Variants in RGS6 observed in about 807,000 individuals in gnomAD.
The protein encoded by RGS6 is regulator of G protein signaling 6.
Under a neutral mutation model 78.5 loss-of-function variants are expected in RGS6, and 30 were observed. The ratio of observed to expected loss-of-function variants is 0.38; its 90% confidence interval spans 0.29 to 0.52. The LOEUF (loss-of-function observed/expected upper bound fraction) is 0.52, where lower values mean the gene tolerates loss of function less well. Ranked by LOEUF, RGS6 falls within the 20% of genes least tolerant of loss-of-function variation. RGS6 has a pLI of 0.85. For synonymous variants in RGS6, 206 were observed against 206.0 expected (o/e 1.00, Z 0.00); for missense variants, 495 against 609.7 (o/e 0.81, Z 1.98).
chr14:71,958,340 A>G (rs1265059997), intron 1 of RGS6, among the ~76,000 whole-genome samples: 1 of 152,190 alleles, frequency 6.6e-6, no homozygotes, highest in African/African-American at 2.4e-5. Context: ...TACTTTGGGC[A>G]AGTTACCTGT....
intron 2 of RGS6, among the ~76,000 whole-genome samples, chr14:72,302,619 A>G (rs2066328379): frequency 6.6e-6 from 1 of 152,142 alleles, no homozygotes. Flanking sequence ...AATCCAAGCA[A>G]TCAGAATTTG....
At chr14:72,290,096 C>T (rs1181724348) in intron 2 of RGS6, among the ~76,000 whole-genome samples, 3 of 152,126 alleles carry the variant, frequency 2.0e-5, no homozygotes, top group African/African-American at 7.2e-5. Context: ...ATAAGAAAAA[C>T]AGAATAGAGA....
At chr14:71,930,270 C>T (rs925586671), upstream of RGS6, among the ~76,000 whole-genome samples, 6 of 152,128 alleles carry the variant, frequency 3.9e-5, no homozygotes, top group African/African-American at 9.7e-5. Context: ...TTGGTAATTC[C>T]CTTCTCCAGC....
intron 3 of RGS6, among the ~76,000 whole-genome samples, chr14:72,360,556 AAGG>A (rs1296474053): frequency 2.0e-5 from 3 of 151,370 alleles, no homozygotes; most frequent in Non-Finnish European, 2.9e-5. Context: ...AAAAGGAAGA[AAGG>A]AGGCATAATA....
At chr14:71,946,116 C>T (rs1266396688) in intron 1 of RGS6, among the ~76,000 whole-genome samples, 1 of 152,090 alleles carries the variant, frequency 6.6e-6, no homozygotes. Flanking sequence ...ATATTGATTA[C>T]ATTTTAGACT....
At chr14:72,215,745 A>T (rs989099278) in intron 2 of RGS6, among the ~76,000 whole-genome samples, 1 of 152,246 alleles carries the variant, frequency 6.6e-6, no homozygotes, top group Non-Finnish European at 1.5e-5. Context: ...GCTAAGACCT[A>T]ATGCTTGCTT....
At chr14:72,605,501 C>G in the RGS6 span, among the ~76,000 whole-genome samples, 5 of 152,340 alleles carry the variant, frequency 3.3e-5, no homozygotes, top group African/African-American at 1.2e-4. Flanking sequence ...TCCTAACCCA[C>G]CCACCTTGGG....
At chr14:72,025,551 G>A (rs376833866) in intron 2 of RGS6, among the ~76,000 whole-genome samples, 5 of 152,200 alleles carry the variant, frequency 3.3e-5, no homozygotes, top group South Asian at 2.1e-4. Flanking sequence ...AGGGGATTTC[G>A]GGTGGGGAGA....
At chr14:72,588,531 T>G in the RGS6 span, among the ~76,000 whole-genome samples, 364 of 152,322 alleles carry the variant, frequency 2.4e-3, no homozygotes, top group Non-Finnish European at 3.7e-3. Flanking sequence ...CCCATGGACC[T>G]GGGGCATTTA....
intron 2 of RGS6, among the ~76,000 whole-genome samples, chr14:71,975,795 GT>G (rs575094130): frequency 5.2e-4 from 79 of 152,210 alleles, no homozygotes; most frequent in African/African-American, 1.8e-3. Context: ...TTCAAATATT[GT>G]TTATGCCTAG....
chr14:72,093,046 G>T (rs923605353), intron 2 of RGS6, among the ~76,000 whole-genome samples: 1 of 151,942 alleles, frequency 6.6e-6, no homozygotes. Flanking sequence ...GTGTGTGTGT[G>T]TGTGTGTGTG....
intron 15 of RGS6, among the ~76,000 whole-genome samples, chr14:72,529,091 G>A (rs1219550028): frequency 1.3e-5 from 2 of 152,200 alleles, no homozygotes; most frequent in African/African-American, 4.8e-5. Flanking sequence ...TGGCAAGGAG[G>A]AAAGAACACA....
the RGS6 span, chr14:72,612,551 C>A: frequency 1.9e-6 from 1 of 515,182 alleles, no homozygotes; most frequent in Non-Finnish European, 3.9e-6. Flanking sequence ...CCACCCCACT[C>A]CTTAGCATCT....
At chr14:71,915,508 C>T in the RGS6 span, among the ~76,000 whole-genome samples, 10 of 152,104 alleles carry the variant, frequency 6.6e-5, no homozygotes, top group Non-Finnish European at 1.5e-4. Context: ...TGTTGTATGA[C>T]TACCCAGCAT....
chr14:72,299,577 AC>A (rs1423679803), intron 2 of RGS6, among the ~76,000 whole-genome samples: 1 of 152,218 alleles, frequency 6.6e-6, no homozygotes, highest in Non-Finnish European at 1.5e-5. Flanking sequence ...AAATAACTGC[AC>A]CATTTTAGAC....
At chr14:72,544,841 GGCA>G (rs1356288071) in intron 17 of RGS6, among the ~76,000 whole-genome samples, 1 of 152,200 alleles carries the variant, frequency 6.6e-6, no homozygotes, top group Non-Finnish European at 1.5e-5. Context: ...TCCCCCTCCA[GGCA>G]GCTCTGCAGA....
intron 2 of RGS6, among the ~76,000 whole-genome samples, chr14:72,047,411 G>A (rs1340785630): frequency 6.6e-6 from 1 of 152,160 alleles, no homozygotes; most frequent in African/African-American, 2.4e-5. Flanking sequence ...TTTCCCGTGA[G>A]GACACTGAAG....
Position 72,399,946 on chromosome 14 carries a change from C to A in RGS6, c.184+47752C>A, listed in dbSNP as rs189166128. Among the ~76,000 whole-genome samples the A allele has an allele frequency of 8.5e-5, 13 of 152,238 alleles. No individual in the cohort carries two copies. The East Asian group carries it at 1.9e-3, about 23-fold the overall frequency. On this transcript the variant is annotated intron_variant, in intron 3 of 17. Coordinates refer to ENST00000553525, the MANE Select transcript of RGS6 (RefSeq NM_001204424.2). ...CTGAAAGTGACTGGGAGAATGGAAC[C>A]AAGTTGGAAAACACTCTGCAGGATA...
chr14:72,258,810 T>C (rs751157624), intron 2 of RGS6, among the ~76,000 whole-genome samples: 2 of 152,130 alleles, frequency 1.3e-5, no homozygotes, highest in Non-Finnish European at 2.9e-5. Context: ...GTAACATAAA[T>C]TAAAAGTAGA....
Sources: gnomAD v4.1 joint callset for allele counts (sites outside exome capture counted in the v4.1 genomes callset) on GRCh38, gnomAD v4.1.1 for gene constraint, MANE v1.5 for transcripts, NCBI Gene and HGNC (gene_info 2026-07-23, HGNC 2026-07-21) for gene names.